Variants in PCDHGA2 observed in about 807,000 individuals in gnomAD.
The protein encoded by PCDHGA2 is protocadherin gamma-A2.
PCDHGA2 carries 40 observed loss-of-function variants against 59.2 expected under a neutral mutation model. The ratio of observed to expected loss-of-function variants is 0.68; its 90% CI spans 0.52 to 0.88. PCDHGA2 has a LOEUF of 0.88. Ranked by LOEUF, PCDHGA2 falls within the 40% of genes least tolerant of loss-of-function variation. The probability of loss-of-function intolerance (pLI) is 0.00; values close to 1 mark genes in which losing one functional copy is unlikely to be tolerated. For synonymous variants in PCDHGA2, 560 were observed against 526.0 expected (o/e 1.06, Z -0.89); for missense variants, 1,226 against 1,204.0 (o/e 1.02, Z -0.27).
intron 1 of PCDHGA2, chr5:141,351,452 T>G (rs773093341): frequency 1.2e-6 from 2 of 1,613,112 alleles, no homozygotes; most frequent in African/African-American, 2.7e-5. Flanking sequence ...GAAGAATTAT[T>G]ACAAGCTGGT....
intron 1 of PCDHGA2, chr5:141,475,890 G>C: frequency 1.8e-6 from 1 of 565,896 alleles, no homozygotes; most frequent in South Asian, 2.3e-5. Flanking sequence ...CTGGGACTCT[G>C]TGTGCCGCTG....
chr5:141,341,512 A>C, intron 1 of PCDHGA2, 117 bp downstream of exon 1: 1 of 1,532,772 alleles, frequency 6.5e-7, no homozygotes, highest in Non-Finnish European at 8.8e-7. Context: ...AAGTTTTAGG[A>C]AGTGAGTCTT....
chr5:141,450,264 C>T (rs1395960399), intron 1 of PCDHGA2, among the ~76,000 whole-genome samples: 1 of 152,112 alleles, frequency 6.6e-6, no homozygotes, highest in Non-Finnish European at 1.5e-5. Flanking sequence ...GTGATCTGCC[C>T]ACCTCAGCTA....
At chr5:141,509,536 A>T (rs778275338) in intron 3 of PCDHGA2, among the ~76,000 whole-genome samples, 1 of 152,130 alleles carries the variant, frequency 6.6e-6, no homozygotes, top group Non-Finnish European at 1.5e-5. Context: ...AGGATGAAGC[A>T]CCATCTCATT....
chr5:141,410,849 C>CTTTTTTTTTTT lies in PCDHGA2; in HGVS notation c.2424+69466_2424+69476dup, dbSNP rs759346998. On this transcript the variant is annotated intron_variant, in intron 1 of 3. Coordinates refer to ENST00000394576, the MANE Select transcript of PCDHGA2 (RefSeq NM_018915.4). ...CAGACTGAAGATATTTTGTCTTTGT[C>CTTTTTTTTTTT]TTTTTTTTTTTTTTTTTTTTTTGAG... 217 of 138,154 alleles carry CTTTTTTTTTTT rather than the reference C, an allele frequency of 1.6e-3. 10 individuals carry two copies. The highest frequency in any genetic ancestry group is 4.0e-3 in the African/African-American group (66 of 16,622). The allele number at this position is 138,154 out of a possible 1,614,324, so 8.6% of individuals were successfully genotyped here.
At chr5:141,345,990 C>A in intron 1 of PCDHGA2, 9 of 1,613,408 alleles carry the variant, frequency 5.6e-6, no homozygotes, top group Non-Finnish European at 7.6e-6. Flanking sequence ...CGGCCAGCCC[C>A]CTCTCTCCGC....
chr5:141,376,055 G>A lies in PCDHGA2; in HGVS notation c.2424+34660G>A, dbSNP rs746662537. On this transcript the variant is annotated intron_variant, in intron 1 of 3. Transcript: ENST00000394576. ...CGGCCAGCCCCCTCTCTCCGCCACTGTCACGCTCACCGTGGCCGTGGCCGA... is the reference window on the plus strand; with the variant it reads ...CGGCCAGCCCCCTCTCTCCGCCACTATCACGCTCACCGTGGCCGTGGCCGA... 4.3e-6 allele frequency: 7 copies of A among 1,613,232 alleles called. No homozygotes were observed. In the Admixed American group the frequency reaches 6.7e-5, roughly 15 times the overall value.
chr5:141,350,802 A>C (rs1474398479), intron 1 of PCDHGA2: 3 of 1,614,024 alleles, frequency 1.9e-6, no homozygotes, highest in Non-Finnish European at 2.5e-6. Flanking sequence ...TCAACGAAGG[A>C]AAGTCCTGAT....
intron 1 of PCDHGA2, among the ~76,000 whole-genome samples, chr5:141,386,239 T>C (rs940209503): frequency 2.0e-5 from 3 of 152,238 alleles, no homozygotes; most frequent in Non-Finnish European, 2.9e-5. Flanking sequence ...AAAAATTCAG[T>C]TGGAAATAAC....
At chr5:141,421,224 T>G (rs1401875673) in intron 1 of PCDHGA2, 2 of 1,582,072 alleles carry the variant, frequency 1.3e-6, no homozygotes, top group Admixed American at 3.6e-5. Flanking sequence ...GCTTAGAGCC[T>G]GCCATGGCGA....
At chr5:141,475,322 G>A (rs1352768659) in intron 1 of PCDHGA2, among the ~76,000 whole-genome samples, 1 of 152,204 alleles carries the variant, frequency 6.6e-6, no homozygotes, top group African/African-American at 2.4e-5. Flanking sequence ...CTTAAGAAAT[G>A]AGAGCTAACA....
chr5:141,491,327 T>C lies in PCDHGA2; in HGVS notation c.2425-3480T>C, dbSNP rs1422115943. ...TCAGACCTTACCCTTTACCTCATTG[T>C]GGCTCTAGCGACCGTCAGTCTCTTA... is the stretch of plus-strand genomic sequence containing the variant. On this transcript the variant is annotated intron_variant, in intron 1 of 3. Coordinates refer to ENST00000394576, the MANE Select transcript of PCDHGA2 (RefSeq NM_018915.4). This position sits in a 1 kb window ranked among gnomAD's most constrained non-coding sequence, Gnocchi z 6.9. 5.6e-6 allele frequency: 9 copies of C among 1,614,098 alleles called. No homozygotes were observed. Among genetic ancestry groups the C allele is most frequent in the Admixed American group, 3.3e-5 (2 of 60,006 alleles).
chr5:141,454,796 ATTTTTTTTTTTTTTTTTT>A (rs61612330), intron 1 of PCDHGA2, among the ~76,000 whole-genome samples: 1 of 77,408 alleles, frequency 1.3e-5, no homozygotes, highest in Non-Finnish European at 2.3e-5. Flanking sequence ...CATGGTTCTA[ATTTTTTTTTTTTTTTTTT>A]TTTTTTTTTT....
intron 1 of PCDHGA2, chr5:141,421,947 C>T: frequency 6.2e-7 from 1 of 1,613,118 alleles, no homozygotes; most frequent in African/African-American, 1.3e-5. Context: ...ATGATCACAT[C>T]CCAATGTTTA....
chr5:141,491,138 C>T lies in PCDHGA2; in HGVS notation c.2425-3669C>T. The T allele has an allele frequency of 1.2e-6, 2 of 1,614,106 alleles. No individual in the cohort carries two copies. The highest frequency in any genetic ancestry group is 1.7e-6 in the Non-Finnish European group (2 of 1,179,962). On this transcript the variant is annotated intron_variant, in intron 1 of 3. Transcript: ENST00000394576. The surrounding 1 kb of genome is among the most constrained non-coding windows in gnomAD (Gnocchi z 6.9). ...ACTGGTGAGGTGCGCACAGCCCGGG[C>T]CTTACTGGAGGATGACTCTGACACC...
At chr5:141,421,120 G>T (rs747126094) in intron 1 of PCDHGA2, 4 of 779,870 alleles carry the variant, frequency 5.1e-6, no homozygotes, top group Non-Finnish European at 7.9e-6. Flanking sequence ...ATTTTCCTTC[G>T]CTTTCTGATA....
Position 141,344,472 on chromosome 5 carries a change from G to A in PCDHGA2, c.2424+3077G>A, listed in dbSNP as rs1465653147. 5 of 1,613,722 alleles carry A rather than the reference G, an allele frequency of 3.1e-6. No homozygotes were observed. In the Admixed American group the frequency reaches 8.3e-5, roughly 27 times the overall value. ...GGAAATAAAAATTGGTGAACTAACG[G>A]TTCCTGGAACCCGATTTCCAATTAA... On this transcript the variant is annotated intron_variant, in intron 1 of 3. Coordinates refer to ENST00000394576, the MANE Select transcript of PCDHGA2 (RefSeq NM_018915.4).
intron 1 of PCDHGA2, among the ~76,000 whole-genome samples, chr5:141,424,964 A>G (rs62378457): frequency 0.11 from 16,148 of 152,126 alleles, 960 homozygotes; most frequent in African/African-American, 0.17. Flanking sequence ...ATTTGCCCCA[A>G]ATTACTTGGA....
chr5:141,384,682 G>A (rs1780361260), intron 1 of PCDHGA2: 1 of 1,614,222 alleles, frequency 6.2e-7, no homozygotes, highest in African/African-American at 1.3e-5. Context: ...GGTGGCGGTG[G>A]ACAAAGATTC....
Sources: allele counts gnomAD v4.1 joint callset (sites outside exome capture counted in the v4.1 genomes callset), GRCh38; gene constraint gnomAD v4.1.1; non-coding constraint Gnocchi (gnomAD v3.1); transcripts MANE v1.5; gene names NCBI Gene and HGNC (gene_info 2026-07-23, HGNC 2026-07-21).